SNAPC4: variants seen among roughly 807,000 people sequenced by gnomAD.
SNAPC4 encodes snRNA-activating protein complex subunit 4.
A neutral mutation model predicts 151.3 loss-of-function variants in SNAPC4; 127 were observed. That is an observed-to-expected ratio of 0.84 (90% CI 0.73 to 0.97). The LOEUF (loss-of-function observed/expected upper bound fraction) is 0.97. Ranked by LOEUF, SNAPC4 falls within the 50% of genes least tolerant of loss-of-function variation. The pLI, the probability that SNAPC4 is intolerant of heterozygous loss-of-function variation, is 0.00. For missense variants in SNAPC4, 2,186 were observed against 1,935.0 expected (o/e 1.13, Z -2.43); for synonymous variants, 1,002 against 824.4 (o/e 1.22, Z -3.69).
chr9:136,399,180 C>T (rs1834370520), intron 1 of SNAPC4, among the ~76,000 whole-genome samples: 1 of 152,194 alleles, frequency 6.6e-6, no homozygotes, highest in Non-Finnish European at 1.5e-5. Context: ...ACCCGGGAGC[C>T]CAAAACACCC....
chr9:136,379,155 T>C lies in SNAPC4; in HGVS notation c.2672A>G (p.Lys891Arg). 2 of 1,585,328 alleles carry C rather than the reference T, an allele frequency of 1.3e-6. No individual in the cohort carries two copies. Among genetic ancestry groups the C allele is most frequent in the Non-Finnish European group, 1.7e-6 (2 of 1,166,836 alleles). The part of the protein sequence containing the change: ...LASTGPRPKP[K>R]TVSELLQEKR... Reference sequence around the variant, plus strand: ...CTCCTGAAGCAGCTCCGACACAGTCTTGGGCTTGGGCCGGGGGCCGGTTGA... The same window carrying C: ...CTCCTGAAGCAGCTCCGACACAGTCCTGGGCTTGGGCCGGGGGCCGGTTGA... The change falls in exon 22 of 24, where the codon AAG (lysine) becomes AGG (arginine). Residue 891 changes from lysine (K) to arginine (R), a missense_variant. Coordinates refer to ENST00000684778, the MANE Select transcript of SNAPC4 (RefSeq NM_003086.4).
At chr9:136,399,398 G>GC (rs1341759828) in intron 1 of SNAPC4, among the ~76,000 whole-genome samples, 2 of 152,206 alleles carry the variant, frequency 1.3e-5, no homozygotes, top group Non-Finnish European at 2.9e-5. Context: ...TTAACAGCCG[G>GC]CCAGAGGCAG....
intron 19 of SNAPC4, 115 bp from the exon 20 acceptor site, chr9:136,380,965 C>T: frequency 1.6e-6 from 1 of 640,502 alleles, no homozygotes; most frequent in Non-Finnish European, 2.8e-6. Flanking sequence ...ACCTTGAGAC[C>T]TCAGCCTTCC....
Position 136,384,817 on chromosome 9 carries a change from G to A in SNAPC4, c.1326-3C>T. 1 of 1,549,436 alleles carries A rather than the reference G, an allele frequency of 6.5e-7. No individual in the cohort carries two copies. Among genetic ancestry groups the A allele is most frequent in the Non-Finnish European group, 8.8e-7 (1 of 1,138,640 alleles). On this transcript the variant is annotated splice_region_variant and splice_polypyrimidine_tract_variant and intron_variant, in intron 13 of 23. Transcript: ENST00000684778. ...TGAAATGTAATCTCCTGAGATACCTGAACGTGACATGAAAAGCAAAGAACG... is the reference window on the plus strand; with the variant it reads ...TGAAATGTAATCTCCTGAGATACCTAAACGTGACATGAAAAGCAAAGAACG...
chr9:136,381,431 T>C (rs966615998), intron 18 of SNAPC4, 39 bp from the exon 19 acceptor site: 1 of 1,554,938 alleles, frequency 6.4e-7, no homozygotes, highest in African/African-American at 1.4e-5. Context: ...CAGCCCCAGC[T>C]CCCATGGGCA....
At chr9:136,392,624 A>G (rs756083544) in intron 8 of SNAPC4, 30 bp from the exon 9 acceptor site, 1 of 1,613,612 alleles carries the variant, frequency 6.2e-7, no homozygotes, top group Non-Finnish European at 8.5e-7. Context: ...TATTGGCACC[A>G]CGCCTGGCTT....
intron 10 of SNAPC4, among the ~76,000 whole-genome samples, chr9:136,391,262 T>C (rs1433734747): frequency 6.6e-6 from 1 of 152,218 alleles, no homozygotes; most frequent in African/African-American, 2.4e-5. Context: ...AATCAGGTGC[T>C]CTGCCATAAA....
At chr9:136,382,696 T>C (rs1833743320) in intron 16 of SNAPC4, among the ~76,000 whole-genome samples, 2 of 152,212 alleles carry the variant, frequency 1.3e-5, no homozygotes. Context: ...TCCCTGCCAA[T>C]GACTCCCAGG....
intron 5 of SNAPC4, 64 bp downstream of exon 5, chr9:136,395,234 G>T: frequency 1.9e-6 from 3 of 1,560,490 alleles, no homozygotes; most frequent in Non-Finnish European, 2.6e-6. Context: ...AGCAGGACTT[G>T]GGGACAAGAA....
intron 13 of SNAPC4, 22 bp from the exon 14 acceptor site, chr9:136,384,836 A>T (rs752242517): frequency 6.9e-7 from 1 of 1,455,718 alleles, no homozygotes; most frequent in Non-Finnish European, 9.4e-7. Flanking sequence ...ATGAAAAGCA[A>T]AGAACGTTTT....
At chr9:136,388,658 G>GTGCCC in intron 10 of SNAPC4, 67 bp from the exon 11 acceptor site, 1 of 1,596,606 alleles carries the variant, frequency 6.3e-7, no homozygotes, top group Non-Finnish European at 8.6e-7. Flanking sequence ...CTGGCTCTGA[G>GTGCCC]TGCCCCAGGG....
At chr9:136,395,880 C>A in intron 3 of SNAPC4, 110 bp from the exon 4 acceptor site, 1 of 1,070,818 alleles carries the variant, frequency 9.3e-7, no homozygotes, top group Non-Finnish European at 1.4e-6. Context: ...GCAGCTCTGG[C>A]ATAGCAACAC....
In SNAPC4 at chr9:136,380,731, GCCTGCTA is replaced by G; in HGVS notation, c.2499+2_2499+8del. On this transcript the variant is annotated splice_donor_variant and splice_donor_5th_base_variant and intron_variant, in intron 20 of 23. Coordinates refer to ENST00000684778, the MANE Select transcript of SNAPC4 (RefSeq NM_003086.4). LOFTEE classifies it high-confidence loss of function. ...GCCATCCTCACTTCTCACCCCAAGT[GCCTGCTA>G]CCTGCAGAAGATGAACTGGTGGGTC... The G allele has an allele frequency of 6.6e-7, 1 of 1,505,056 alleles. No homozygotes were observed. The highest frequency in any genetic ancestry group is 9.2e-7 in the Non-Finnish European group (1 of 1,082,140). 93.2% of individuals were successfully genotyped at this position (1,505,056 alleles called of 1,614,324 possible).
intron 18 of SNAPC4, 80 bp from the exon 19 acceptor site, chr9:136,381,472 C>T: frequency 7.6e-7 from 1 of 1,318,472 alleles, no homozygotes; most frequent in South Asian, 1.2e-5. Context: ...AGCCCCAGCT[C>T]CCACGTGCCT....
intron 10 of SNAPC4, among the ~76,000 whole-genome samples, chr9:136,391,701 A>T (rs1338981782): frequency 6.6e-6 from 1 of 152,258 alleles, no homozygotes; most frequent in Admixed American, 6.5e-5. Context: ...TAAACTGGGC[A>T]TGCACCGCTG....
At chr9:136,393,785 G>A (rs1412981142) in intron 7 of SNAPC4, among the ~76,000 whole-genome samples, 2 of 152,254 alleles carry the variant, frequency 1.3e-5, no homozygotes, top group Non-Finnish European at 2.9e-5. Context: ...CATGGGGAAG[G>A]GGCATAAAGT....
rs1306727324 is a variant in SNAPC4 at position 136,383,741 on chromosome 9, C to T, written c.1501-73G>A. 2.6e-6 allele frequency: 4 copies of T among 1,540,848 alleles called. No homozygotes were observed. The East Asian group carries it at 6.8e-5, about 26-fold the overall frequency. ...CCCATGATGGCAGCAAGCAGGCCAG[C>T]CCTTTGGGGAGAGGCCCAAGCGGGG... On this transcript the variant is annotated intron_variant, in intron 15 of 23. Transcript: ENST00000684778. The surrounding 1 kb of genome is among the most constrained non-coding windows in gnomAD (Gnocchi z 4.2).
intron 9 of SNAPC4, 148 bp downstream of exon 9, chr9:136,392,374 G>A (rs374829565): frequency 1.0e-5 from 9 of 866,134 alleles, no homozygotes; most frequent in African/African-American, 8.2e-5. Flanking sequence ...CCCGACTGTG[G>A]GACATGTGCT....
intron 20 of SNAPC4, 78 bp from the exon 21 acceptor site, chr9:136,379,942 A>G: frequency 6.7e-7 from 1 of 1,485,428 alleles, no homozygotes; most frequent in South Asian, 1.2e-5. Context: ...CATCTGGACT[A>G]TCCCCTGCCA....
Sources: gnomAD v4.1 joint callset for allele counts (sites outside exome capture counted in the v4.1 genomes callset) on GRCh38, gnomAD v4.1.1 for gene constraint, Gnocchi (gnomAD v3.1) non-coding constraint, MANE v1.5 for transcripts, NCBI Gene and HGNC (gene_info 2026-07-23, HGNC 2026-07-21) for gene names.